Variants in ZNF787 observed in about 807,000 individuals in gnomAD.
ZNF787 encodes TTF-I-interacting peptide 20.
In ZNF787, 7 loss-of-function variants were observed where a neutral mutation model predicts 16.9. The ratio of observed to expected loss-of-function variants is 0.42; its 90% confidence interval spans 0.24 to 0.78. The LOEUF (loss-of-function observed/expected upper bound fraction) is 0.78, where lower values mean the gene tolerates loss of function less well. Among genes scored for constraint, ZNF787 ranks in the 30% least tolerant of loss-of-function variants. The pLI is 0.30. For missense variants in ZNF787, 551 were observed against 589.3 expected, an observed-to-expected ratio of 0.94 and a Z score of 0.67; for synonymous variants, 345 against 270.9, an observed-to-expected ratio of 1.27 and a Z score of -2.69.
chr19:56,111,651 G>A (rs1416590719), intron 1 of ZNF787, among the ~76,000 whole-genome samples: 1 of 152,082 alleles, frequency 6.6e-6, no homozygotes, highest in Non-Finnish European at 1.5e-5. Context: ...AGGGAGGCGG[G>A]AAGGAACTCC....
At chr19:56,103,802 T>TATGCACGACACCACCGACCCGTGCC (rs1986198568) in intron 1 of ZNF787, among the ~76,000 whole-genome samples, 2 of 147,950 alleles carry the variant, frequency 1.4e-5, no homozygotes, top group African/African-American at 2.5e-5. Flanking sequence ...GGAGGGTCTC[T>TATGCACGACACCACCGACCCGTGCC]ACGCACGACA....
chr19:56,109,386 A>G (rs1199787973), intron 1 of ZNF787, among the ~76,000 whole-genome samples: 1 of 152,080 alleles, frequency 6.6e-6, no homozygotes, highest in Non-Finnish European at 1.5e-5. Flanking sequence ...ACCCCACGTG[A>G]AACACGCCCT....
chr19:56,088,095 C>CCCG lies in ZNF787; in HGVS notation c.1074_1076dup (p.Gly359dup). On this transcript the variant is annotated inframe_insertion, in exon 3 of 3. Coordinates refer to ENST00000610935, the MANE Select transcript of ZNF787 (RefSeq NM_001002836.4). The surrounding 1 kb of genome is among the most constrained non-coding windows in gnomAD (Gnocchi z 8.6). Reference sequence around the variant, plus strand: ...CCTCGTCGTCGTCGTCCTCCTCCTCCCCGCCCGCGCGGTAGTAGCTCTGTC... The same window carrying CCCG: ...CCTCGTCGTCGTCGTCCTCCTCCTCCCCGCCGCCCGCGCGGTAGTAGCTCTGTC... 1.3e-6 allele frequency: 2 copies of CCCG among 1,518,542 alleles called. No homozygotes were observed. The highest frequency in any genetic ancestry group is 1.8e-6 in the Non-Finnish European group (2 of 1,140,876). The allele number at this position is 1,518,542 out of a possible 1,614,324, so 94.1% of individuals were successfully genotyped here. A position where few individuals can be genotyped will look rare whatever the true frequency, so the allele number is the denominator to read the frequency against.
chr19:56,089,189 T>G, intron 2 of ZNF787, 97 bp from the exon 3 acceptor site: 1 of 872,782 alleles, frequency 1.1e-6, no homozygotes, highest in Non-Finnish European at 1.6e-6. Flanking sequence ...TCGCTCCCCC[T>G]GGCGCAGGAC....
At chr19:56,094,842 G>A (rs1985808708) in intron 2 of ZNF787, among the ~76,000 whole-genome samples, 1 of 152,112 alleles carries the variant, frequency 6.6e-6, no homozygotes, top group South Asian at 2.1e-4. Flanking sequence ...CAGGCTCAGT[G>A]GCTCACACCT....
intron 2 of ZNF787, among the ~76,000 whole-genome samples, chr19:56,092,065 C>T (rs1011934716): frequency 4.6e-5 from 7 of 152,164 alleles, no homozygotes; most frequent in African/African-American, 1.2e-4. Context: ...TCACCCTCAC[C>T]CTCACCCTCA....
intron 2 of ZNF787, among the ~76,000 whole-genome samples, chr19:56,094,358 G>C (rs779290180): frequency 4.6e-5 from 7 of 151,574 alleles, no homozygotes; most frequent in Non-Finnish European, 1.0e-4. Context: ...GCTCTTAGTA[G>C]AGACAGGGTT....
chr19:56,106,616 G>C (rs1290053293), intron 1 of ZNF787, among the ~76,000 whole-genome samples: 3 of 152,206 alleles, frequency 2.0e-5, no homozygotes, highest in Non-Finnish European at 4.4e-5. Flanking sequence ...AGGTGGGTAG[G>C]ACTCCTGGTG....
rs920481690 is a variant in ZNF787, at chr19:56,087,484, G to A, written c.*539C>T. ...CTCTGCTACCCGGAATCCAGGAGGG[G>A]AAGGAACGACTCGAGCTCTAAGGAT... On this transcript the variant is annotated 3_prime_UTR_variant, in exon 3 of 3. Transcript: ENST00000610935. 1.3e-5 allele frequency: 2 copies of A among 152,272 alleles called. No homozygotes were observed. Among genetic ancestry groups the A allele is most frequent in the African/African-American group, 2.4e-5 (1 of 41,436 alleles). The allele number at this position is 152,272 out of a possible 1,614,324, so 9.4% of individuals were successfully genotyped here. A position where few individuals can be genotyped will look rare whatever the true frequency, so the allele number is the denominator to read the frequency against.
At chr19:56,091,951 G>GCCGAAACCGAAA (rs59574241) in intron 2 of ZNF787, among the ~76,000 whole-genome samples, 2,029 of 28,908 alleles carry the variant, frequency 0.07, 15 homozygotes, top group South Asian at 0.28. Flanking sequence ...CAAAGCCAAA[G>GCCGAAACCGAAA]CCGAAACCGA....
chr19:56,088,786 T>C lies in ZNF787; in HGVS notation c.386A>G (p.Lys129Arg). 1 of 1,611,696 alleles carries C rather than the reference T, an allele frequency of 6.2e-7. No individual in the cohort carries two copies. The highest frequency in any genetic ancestry group is 8.5e-7 in the Non-Finnish European group (1 of 1,179,158). Residue 129 changes from lysine (K) to arginine (R), a missense_variant, in exon 3 of 3, where the codon AAG (lysine) becomes AGG (arginine). Around this residue, in one of 4 missense-constraint regions of ZNF787, gnomAD observed 39 missense variants for 109.9 expected, o/e 0.35. Transcript: ENST00000610935. This position sits in a 1 kb window ranked among gnomAD's most constrained non-coding sequence, Gnocchi z 8.6. The stretch of plus-strand genomic sequence containing the variant: ...GAGGTTGGAGCTCCAGCTGAAGCGC[T>C]TGCCGCACTCCAAGCAGGCGTAGGG... ...EKPYACLECG[K>R]RFSWSSNLMQ...
intron 1 of ZNF787, among the ~76,000 whole-genome samples, chr19:56,106,837 G>C (rs927910126): frequency 6.6e-6 from 1 of 152,224 alleles, no homozygotes; most frequent in Non-Finnish European, 1.5e-5. Context: ...ACCAGCACGC[G>C]GAACAGTGGG....
intron 1 of ZNF787, among the ~76,000 whole-genome samples, chr19:56,115,154 C>T (rs1420479629): frequency 1.3e-5 from 2 of 152,102 alleles, no homozygotes; most frequent in Non-Finnish European, 2.9e-5. Context: ...AAGCTCTACA[C>T]ACCCTTTCCT....
chr19:56,095,503 C>T (rs1985837382), intron 2 of ZNF787, among the ~76,000 whole-genome samples: 1 of 152,226 alleles, frequency 6.6e-6, no homozygotes, highest in Non-Finnish European at 1.5e-5. Context: ...TTCAGGGTAG[C>T]TGTTCTAACT....
chr19:56,092,046 GCCTCAC>G lies in ZNF787; in HGVS notation c.80-2960_80-2955del, dbSNP rs58624138. 2.3e-3 allele frequency among the ~76,000 whole-genome samples: 311 copies of G among 133,862 alleles called. 1 individual carries two copies. Among genetic ancestry groups the G allele is most frequent in the African/African-American group, 7.0e-3 (232 of 33,278 alleles). 87.8% of individuals were successfully genotyped at this position (133,862 alleles called of 152,430 possible). A position where few individuals can be genotyped will look rare whatever the true frequency, so the allele number is the denominator to read the frequency against. On this transcript the variant is annotated intron_variant, in intron 2 of 2. Coordinates refer to ENST00000610935, the MANE Select transcript of ZNF787 (RefSeq NM_001002836.4). ...AGCCGAAGCCGAAGCCGAAGCCGAA[GCCTCAC>G]CCTCACCCTCACCCTCACCCTCACA...
chr19:56,107,614 TG>T (rs2029875412), intron 1 of ZNF787, among the ~76,000 whole-genome samples: 1 of 142,834 alleles, frequency 7.0e-6, no homozygotes, highest in African/African-American at 2.7e-5. Flanking sequence ...GCCGAGGTCC[TG>T]CCCCCAAGGC....
At chr19:56,110,122 G>A (rs1375350815) in intron 1 of ZNF787, among the ~76,000 whole-genome samples, 1 of 152,244 alleles carries the variant, frequency 6.6e-6, no homozygotes, top group Non-Finnish European at 1.5e-5. Flanking sequence ...AACACTTTGG[G>A]AGGCCAAGGC....
At chr19:56,105,099 G>T (rs1007554697) in intron 1 of ZNF787, among the ~76,000 whole-genome samples, 1 of 151,994 alleles carries the variant, frequency 6.6e-6, no homozygotes, top group Admixed American at 6.6e-5. Flanking sequence ...CAGCCTGGGC[G>T]ACAGAGCAAG....
At chr19:56,114,206 G>A (rs1419913203) in intron 1 of ZNF787, among the ~76,000 whole-genome samples, 3 of 152,086 alleles carry the variant, frequency 2.0e-5, no homozygotes, top group Non-Finnish European at 4.4e-5. Flanking sequence ...CCCGGATCTC[G>A]CTGTGCAGTG....
Sources: allele counts gnomAD v4.1 joint callset (sites outside exome capture counted in the v4.1 genomes callset), GRCh38; gene constraint gnomAD v4.1.1; regional missense constraint gnomAD v4.1.1; non-coding constraint Gnocchi (gnomAD v3.1); transcripts MANE v1.5; gene names NCBI Gene and HGNC (gene_info 2026-07-23, HGNC 2026-07-21).